The following CNTNAP5 variants were observed in gnomAD, a reference collection of about 807,000 sequenced individuals.
CNTNAP5 encodes the protein contactin associated protein family member 5.
Under a neutral mutation model 150.2 loss-of-function variants are expected in CNTNAP5, and 72 were observed. The ratio of observed to expected loss-of-function variants is 0.48; its 90% CI spans 0.40 to 0.58. The LOEUF is 0.58. Ranked by LOEUF, CNTNAP5 falls within the 20% of genes least tolerant of loss-of-function variation. The probability of loss-of-function intolerance (pLI) is 0.00; values close to 1 mark genes in which losing one functional copy is unlikely to be tolerated. For missense variants in CNTNAP5, 1,636 were observed against 1,626.2 expected (o/e 1.01, Z -0.10); for synonymous variants, 672 against 619.8 (o/e 1.08, Z -1.25).
intron 1 of CNTNAP5, among the ~76,000 whole-genome samples, chr2:124,084,831 A>T (rs1682641390): frequency 6.6e-6 from 1 of 150,854 alleles, no homozygotes; most frequent in African/African-American, 2.4e-5. Context: ...ATGTTAATTT[A>T]TCTTGAATTG....
chr2:124,347,949 C>G (rs1041583788), intron 3 of CNTNAP5, among the ~76,000 whole-genome samples: 2 of 151,952 alleles, frequency 1.3e-5, no homozygotes, highest in Non-Finnish European at 2.9e-5. Flanking sequence ...CTCAGCCTCC[C>G]GAGTAGCTGG....
At chr2:124,478,643 A>G (rs1384227895) in intron 7 of CNTNAP5, among the ~76,000 whole-genome samples, 1 of 152,124 alleles carries the variant, frequency 6.6e-6, no homozygotes, top group African/African-American at 2.4e-5. Context: ...TCTGTAGTCA[A>G]GCTTAAAGTT....
intron 1 of CNTNAP5, among the ~76,000 whole-genome samples, chr2:124,056,500 G>A (rs1471497793): frequency 1.3e-5 from 2 of 152,112 alleles, no homozygotes; most frequent in African/African-American, 4.8e-5. Flanking sequence ...GGAAAAATTA[G>A]CCGGCTGTGG....
intron 1 of CNTNAP5, among the ~76,000 whole-genome samples, chr2:124,147,690 C>T (rs140348985): frequency 2.0e-3 from 300 of 152,304 alleles, no homozygotes; most frequent in African/African-American, 6.7e-3. Context: ...GGGGATGGAA[C>T]GGCTCTAACT....
intron 1 of CNTNAP5, among the ~76,000 whole-genome samples, chr2:124,194,490 C>G (rs928745676): frequency 6.7e-6 from 1 of 149,370 alleles, no homozygotes; most frequent in Admixed American, 6.7e-5. Flanking sequence ...GGTAAACTGA[C>G]AAACATGCAT....
At chr2:124,204,708 T>C (rs1014750099) in intron 1 of CNTNAP5, among the ~76,000 whole-genome samples, 2 of 151,612 alleles carry the variant, frequency 1.3e-5, no homozygotes, top group Non-Finnish European at 2.9e-5. Context: ...GGAATTGCCC[T>C]TTATAAAACC....
At position 124,338,590 on chromosome 2, in the gene CNTNAP5, G is replaced by A. The variant is rs1689533164; in HGVS notation, c.382-78853G>A. On this transcript the variant is annotated intron_variant, in intron 3 of 23. Transcript: ENST00000682447. ...AATTTTTAGTCTTTTCTCCTCTCTGGTGGTTCATCTCTGCTGATTAGTGAG... is the reference window on the plus strand; with the variant it reads ...AATTTTTAGTCTTTTCTCCTCTCTGATGGTTCATCTCTGCTGATTAGTGAG... 2.0e-5 allele frequency among the ~76,000 whole-genome samples: 3 copies of A among 152,148 alleles called. No homozygotes were observed. The South Asian group carries it at 6.2e-4, about 32-fold the overall frequency.
intron 12 of CNTNAP5, among the ~76,000 whole-genome samples, chr2:124,626,476 G>A (rs1274717982): frequency 1.3e-5 from 2 of 152,118 alleles, no homozygotes; most frequent in Non-Finnish European, 2.9e-5. Flanking sequence ...CACTGAGTGG[G>A]TGTACCTCCC....
At chr2:124,329,287 T>C (rs1288897777) in intron 3 of CNTNAP5, among the ~76,000 whole-genome samples, 2 of 152,210 alleles carry the variant, frequency 1.3e-5, no homozygotes, top group Non-Finnish European at 2.9e-5. Flanking sequence ...TTTAGTTCTT[T>C]CTTTTCTCAG....
At chr2:124,491,094 A>G (rs548153006) in intron 7 of CNTNAP5, among the ~76,000 whole-genome samples, 2 of 152,280 alleles carry the variant, frequency 1.3e-5, no homozygotes, top group Non-Finnish European at 2.9e-5. Context: ...ACATTGTGTA[A>G]TAATTACCAC....
At chr2:124,042,793 T>G (rs1180395954) in intron 1 of CNTNAP5, among the ~76,000 whole-genome samples, 1 of 148,026 alleles carries the variant, frequency 6.8e-6, no homozygotes, top group South Asian at 2.1e-4. Flanking sequence ...CATCTATCTA[T>G]CTATCTATCT....
intron 20 of CNTNAP5, among the ~76,000 whole-genome samples, chr2:124,868,699 C>G (rs1322118907): frequency 1.3e-5 from 2 of 152,120 alleles, no homozygotes; most frequent in Non-Finnish European, 2.9e-5. Flanking sequence ...AGAGGAGGGT[C>G]GTTCTGAGCA....
At chr2:124,532,268 G>A (rs555045812) in intron 10 of CNTNAP5, among the ~76,000 whole-genome samples, 9 of 152,230 alleles carry the variant, frequency 5.9e-5, no homozygotes, top group African/African-American at 2.2e-4. Flanking sequence ...GAATTTTTAA[G>A]AATATGCAAT....
chr2:124,167,391 A>T (rs1684831961), intron 1 of CNTNAP5, among the ~76,000 whole-genome samples: 1 of 152,364 alleles, frequency 6.6e-6, no homozygotes, highest in Non-Finnish European at 1.5e-5. Context: ...ACTTGGCAAT[A>T]TTAACTCCAC....
At chr2:124,201,822 T>C (rs939301843) in intron 1 of CNTNAP5, among the ~76,000 whole-genome samples, 4 of 152,240 alleles carry the variant, frequency 2.6e-5, no homozygotes, top group African/African-American at 9.6e-5. Flanking sequence ...AAGTCTATGA[T>C]ACAAGCTTAG....
intron 3 of CNTNAP5, among the ~76,000 whole-genome samples, chr2:124,271,989 A>G (rs1430918376): frequency 1.3e-5 from 2 of 152,188 alleles, no homozygotes; most frequent in Non-Finnish European, 2.9e-5. Context: ...TGCTGGGATT[A>G]CAGGCGGGAG....
chr2:124,494,535 C>T (rs1396314384), intron 7 of CNTNAP5, among the ~76,000 whole-genome samples: 1 of 152,234 alleles, frequency 6.6e-6, no homozygotes, highest in East Asian at 1.9e-4. Context: ...CCTTCAGACA[C>T]ACCCACAAAT....
intron 2 of CNTNAP5, among the ~76,000 whole-genome samples, chr2:124,239,729 T>C (rs1686839763): frequency 6.6e-6 from 1 of 151,944 alleles, no homozygotes; most frequent in Non-Finnish European, 1.5e-5. Flanking sequence ...TGCAGCCTCA[T>C]GAACTGGGCA....
intron 11 of CNTNAP5, among the ~76,000 whole-genome samples, chr2:124,576,357 G>C (rs1696282967): frequency 6.6e-6 from 1 of 152,080 alleles, no homozygotes; most frequent in Non-Finnish European, 1.5e-5. Flanking sequence ...CTGTCTGCTT[G>C]ATTTTGCTGT....
Sources: allele counts gnomAD v4.1 joint callset (sites outside exome capture counted in the v4.1 genomes callset), GRCh38; gene constraint gnomAD v4.1.1; transcripts MANE v1.5; gene names NCBI Gene and HGNC (gene_info 2026-07-23, HGNC 2026-07-21).